The following CDIN1 variants were observed in gnomAD, a reference collection of about 807,000 sequenced individuals.
CDIN1 encodes the protein CDAN1 interacting nuclease 1.
Under a neutral mutation model 45.3 loss-of-function variants are expected in CDIN1, and 33 were observed. That is an observed-to-expected ratio of 0.73 (90% CI 0.55 to 0.97). The LOEUF (loss-of-function observed/expected upper bound fraction) is 0.97, where lower values mean the gene tolerates loss of function less well. Among genes scored for constraint, CDIN1 ranks in the 50% least tolerant of loss-of-function variants. CDIN1 has a pLI of 0.00. For missense variants in CDIN1, 303 were observed against 339.4 expected (o/e 0.89, Z 0.84); for synonymous variants, 118 against 124.4 (o/e 0.95, Z 0.34).
chr15:36,791,493 A>C (rs117919996), intron 10 of CDIN1, among the ~76,000 whole-genome samples: 79 of 152,318 alleles, frequency 5.2e-4, no homozygotes, highest in Non-Finnish European at 9.3e-4. Context: ...TAGAATCATA[A>C]ATCTTCTAAG....
chr15:36,799,363 C>G (rs540970082), intron 10 of CDIN1: 1 of 152,274 alleles, frequency 6.6e-6, no homozygotes, highest in Admixed American at 6.5e-5. Flanking sequence ...CTCCATGCAT[C>G]CTGTTTGAAA....
intron 10 of CDIN1, among the ~76,000 whole-genome samples, chr15:36,735,697 T>C (rs143621225): frequency 6.9e-6 from 1 of 145,066 alleles, no homozygotes; most frequent in Non-Finnish European, 1.5e-5. Flanking sequence ...TAAGTGAAGA[T>C]TCTATATTAT....
At position 36,579,903 on chromosome 15, in the gene CDIN1, C is replaced by G; in HGVS notation, c.43C>G (p.Leu15Val). Residue 15 changes from leucine to valine, a missense_variant, in exon 1 of 11, where the codon CTA becomes GTA. Transcript: ENST00000566621. ...KAQYDEIAQCLVSVPPTRQSL... is the reference protein window; with the variant it reads ...KAQYDEIAQCVVSVPPTRQSL... ...TCAGTACGACGAGATAGCCCAGTGCCTAGTGTCTGTGCCGCCTACCAGGCA... is the reference window on the plus strand; with the variant it reads ...TCAGTACGACGAGATAGCCCAGTGCGTAGTGTCTGTGCCGCCTACCAGGCA... 6.2e-7 allele frequency: 1 copy of G among 1,614,014 alleles called. No individual in the cohort carries two copies. Among genetic ancestry groups the G allele is most frequent in the African/African-American group, 1.3e-5 (1 of 75,082 alleles).
intron 5 of CDIN1, among the ~76,000 whole-genome samples, chr15:36,685,548 A>T (rs1329838621): frequency 6.6e-6 from 1 of 152,204 alleles, no homozygotes; most frequent in Non-Finnish European, 1.5e-5. Context: ...CAAAACACAA[A>T]ATTGACAAAT....
At chr15:36,637,715 G>A (rs190566138) in intron 1 of CDIN1, among the ~76,000 whole-genome samples, 7 of 152,238 alleles carry the variant, frequency 4.6e-5, no homozygotes, top group East Asian at 3.9e-4. Context: ...TAAATTTGGC[G>A]TATACTCATT....
intron 1 of CDIN1, among the ~76,000 whole-genome samples, chr15:36,626,218 G>A (rs982718741): frequency 3.3e-5 from 5 of 149,936 alleles, no homozygotes; most frequent in South Asian, 4.2e-4. Context: ...TTCAAAACTA[G>A]CTAGAACTGA....
intron 10 of CDIN1, among the ~76,000 whole-genome samples, chr15:36,752,580 C>A (rs2053504469): frequency 6.6e-6 from 1 of 152,180 alleles, no homozygotes. Context: ...GCTAAGTGAT[C>A]CCAAGTTAAT....
At chr15:36,647,894 C>T (rs2040404312) in intron 3 of CDIN1, among the ~76,000 whole-genome samples, 2 of 145,854 alleles carry the variant, frequency 1.4e-5, no homozygotes, top group African/African-American at 2.6e-5. Context: ...GGCTGGAGCA[C>T]AGTGACGCAA....
intron 10 of CDIN1, among the ~76,000 whole-genome samples, chr15:36,791,751 ATCG>A (rs1490179048): frequency 6.6e-6 from 1 of 152,128 alleles, no homozygotes; most frequent in African/African-American, 2.4e-5. Context: ...AAAAGTGATC[ATCG>A]ATGTGTTTTA....
chr15:36,666,123 G>C (rs2041239291), intron 5 of CDIN1, among the ~76,000 whole-genome samples: 1 of 152,032 alleles, frequency 6.6e-6, no homozygotes, highest in Non-Finnish European at 1.5e-5. Context: ...TTAATAAAGG[G>C]CTGTTCTTAT....
intron 5 of CDIN1, chr15:36,658,429 A>C (rs1234674520): frequency 6.6e-6 from 1 of 152,260 alleles, no homozygotes. Context: ...TGTCAACTGC[A>C]TGATTAAAAC....
chr15:36,701,185 TA>T (rs2042631969), intron 8 of CDIN1, among the ~76,000 whole-genome samples: 1 of 151,674 alleles, frequency 6.6e-6, no homozygotes, highest in Non-Finnish European at 1.5e-5. Flanking sequence ...TATGAGCATT[TA>T]AAGTCTCAAA....
intron 3 of CDIN1, 71 bp from the exon 4 acceptor site, chr15:36,654,027 C>T: frequency 8.7e-7 from 1 of 1,143,362 alleles, no homozygotes; most frequent in Non-Finnish European, 1.3e-6. Flanking sequence ...TGTATACACA[C>T]AGGGGATGCT....
intron 10 of CDIN1, among the ~76,000 whole-genome samples, chr15:36,807,127 A>C (rs558086223): frequency 5.9e-5 from 9 of 152,192 alleles, no homozygotes; most frequent in Non-Finnish European, 1.2e-4. Context: ...TACCCCACTA[A>C]TGTGGATCCC....
intron 10 of CDIN1, among the ~76,000 whole-genome samples, chr15:36,758,507 C>T (rs1566954385): frequency 6.6e-6 from 1 of 152,272 alleles, no homozygotes. Context: ...ATTGCATGAT[C>T]TTGATGCATG....
intron 1 of CDIN1, among the ~76,000 whole-genome samples, chr15:36,583,431 CA>C (rs2037137684): frequency 6.6e-6 from 1 of 152,056 alleles, no homozygotes; most frequent in Non-Finnish European, 1.5e-5. Context: ...TATGTTTTTT[CA>C]AGTCACTGTG....
intron 10 of CDIN1, among the ~76,000 whole-genome samples, chr15:36,756,422 C>T (rs769975429): frequency 1.3e-4 from 20 of 152,038 alleles, no homozygotes; most frequent in Non-Finnish European, 2.6e-4. Flanking sequence ...AAAAGAAAAC[C>T]TTTGTTATAT....
At chr15:36,640,604 G>A (rs2040067161) in intron 1 of CDIN1, 1 of 984,972 alleles carries the variant, frequency 1.0e-6, no homozygotes, top group African/African-American at 1.7e-5. Flanking sequence ...GTCTTTTTCA[G>A]AGATTGCATA....
chr15:36,743,503 A>T (rs952899877), intron 10 of CDIN1, among the ~76,000 whole-genome samples: 4 of 152,164 alleles, frequency 2.6e-5, no homozygotes, highest in Admixed American at 6.6e-5. Context: ...GTATCAGTGG[A>T]TGCTGCAGTC....
Sources: allele counts gnomAD v4.1 joint callset (sites outside exome capture counted in the v4.1 genomes callset), GRCh38; gene constraint gnomAD v4.1.1; transcripts MANE v1.5; gene names NCBI Gene and HGNC (gene_info 2026-07-23, HGNC 2026-07-21).